EEPD1: variants seen among roughly 807,000 people sequenced by gnomAD.
The protein encoded by EEPD1 is endonuclease/exonuclease/phosphatase family domain containing 1, also known as endonuclease/exonuclease/phosphatase family domain-containing protein 1.
A neutral mutation model predicts 46.3 loss-of-function variants in EEPD1; 17 were observed. That is an observed-to-expected ratio of 0.37 (90% CI 0.25 to 0.55). The LOEUF is 0.55. EEPD1 is among the 20% of genes least tolerant of loss of function. The pLI is 0.83. For missense variants in EEPD1, 673 were observed against 745.6 expected (o/e 0.90, Z 1.13); for synonymous variants, 313 against 315.6 (o/e 0.99, Z 0.09).
At chr7:36,218,610 G>A (rs1786075927) in intron 2 of EEPD1, among the ~76,000 whole-genome samples, 1 of 152,258 alleles carries the variant, frequency 6.6e-6, no homozygotes, top group South Asian at 2.1e-4. Context: ...AGACACAGCG[G>A]TGCAGTGTGA....
intron 2 of EEPD1, among the ~76,000 whole-genome samples, chr7:36,186,084 G>T (rs574749624): frequency 1.3e-5 from 2 of 151,908 alleles, no homozygotes; most frequent in South Asian, 4.2e-4. Context: ...TGGCTTCTTC[G>T]TGGCATTTGT....
At chr7:36,242,930 A>G (rs1447205488) in intron 3 of EEPD1, among the ~76,000 whole-genome samples, 2 of 152,268 alleles carry the variant, frequency 1.3e-5, no homozygotes, top group East Asian at 3.9e-4. Context: ...CTCTGTCTCA[A>G]AAAATAAAGG....
chr7:36,290,563 T>G (rs1205310009), intron 6 of EEPD1, among the ~76,000 whole-genome samples: 1 of 152,148 alleles, frequency 6.6e-6, no homozygotes, highest in Non-Finnish European at 1.5e-5. Flanking sequence ...GTTAGCAAGC[T>G]CCGGGCCTTT....
chr7:36,263,767 A>C (rs1786968952), intron 3 of EEPD1, among the ~76,000 whole-genome samples: 1 of 152,224 alleles, frequency 6.6e-6, no homozygotes, highest in African/African-American at 2.4e-5. Flanking sequence ...CTAGCAGGTA[A>C]GTTCTGTCTT....
intron 2 of EEPD1, among the ~76,000 whole-genome samples, chr7:36,197,690 T>C (rs1042213051): frequency 1.4e-4 from 21 of 152,188 alleles, no homozygotes; most frequent in African/African-American, 4.8e-4. Context: ...CAAGATGTGC[T>C]TTGTTAAACA....
intron 2 of EEPD1, among the ~76,000 whole-genome samples, chr7:36,214,087 G>GA (rs1166960093): frequency 6.6e-6 from 1 of 152,124 alleles, no homozygotes; most frequent in African/African-American, 2.4e-5. Context: ...AGAAAGATGG[G>GA]CTCTGGAAAG....
intron 2 of EEPD1, among the ~76,000 whole-genome samples, chr7:36,202,710 C>T (rs559380818): frequency 3.3e-5 from 5 of 152,240 alleles, no homozygotes; most frequent in African/African-American, 1.2e-4. Context: ...TTATGTTTCT[C>T]GTTGTTTAAT....
rs972600279 is a variant in EEPD1 at position 36,225,300 on chromosome 7, G to A, written c.879-13685G>A. Among the ~76,000 whole-genome samples the A allele has an allele frequency of 2.6e-5, 4 of 151,948 alleles. No individual in the cohort carries two copies. Among genetic ancestry groups the A allele is most frequent in the Non-Finnish European group, 5.9e-5 (4 of 68,028 alleles). Reference sequence around the variant, plus strand: ...TCGAGAAAGATTCTGGAAAATATGAGAAAAGAAGAACAAGAGACAGGGTTA... The same window carrying A: ...TCGAGAAAGATTCTGGAAAATATGAAAAAAGAAGAACAAGAGACAGGGTTA... On this transcript the variant is annotated intron_variant, in intron 2 of 7. Coordinates refer to ENST00000242108, the MANE Select transcript of EEPD1 (RefSeq NM_030636.3). The surrounding 1 kb of genome is among the most constrained non-coding windows in gnomAD (Gnocchi z 4.2).
chr7:36,239,065 C>A, intron 3 of EEPD1, 29 bp downstream of exon 3: 1 of 1,609,084 alleles, frequency 6.2e-7, no homozygotes, highest in South Asian at 1.1e-5. Flanking sequence ...CTTCCACATT[C>A]ACAAACCAAG....
At chr7:36,178,391 A>G (rs150768130) in intron 2 of EEPD1, among the ~76,000 whole-genome samples, 1,764 of 152,346 alleles carry the variant, frequency 0.012, 28 homozygotes, top group African/African-American at 0.041. Flanking sequence ...CCTATGCTTT[A>G]GGTGAGTTCA....
chr7:36,247,647 C>T (rs1190357437), intron 3 of EEPD1, among the ~76,000 whole-genome samples: 1 of 152,152 alleles, frequency 6.6e-6, no homozygotes, highest in Non-Finnish European at 1.5e-5. Flanking sequence ...TGCCCTCTGC[C>T]CCAGGTCCAC....
intron 3 of EEPD1, among the ~76,000 whole-genome samples, chr7:36,249,084 G>T (rs1786690814): frequency 2.7e-5 from 4 of 150,860 alleles, no homozygotes; most frequent in African/African-American, 9.8e-5. Context: ...GGTATATTCA[G>T]GGGCTCTCAC....
intron 2 of EEPD1, among the ~76,000 whole-genome samples, chr7:36,158,500 T>A (rs1045078070): frequency 1.3e-5 from 2 of 152,196 alleles, no homozygotes; most frequent in Non-Finnish European, 2.9e-5. Context: ...AGTTAGAGTC[T>A]TCTCTTTAAC....
intron 3 of EEPD1, among the ~76,000 whole-genome samples, chr7:36,263,183 T>A (rs1786958489): frequency 6.6e-6 from 1 of 152,018 alleles, no homozygotes; most frequent in Non-Finnish European, 1.5e-5. Context: ...TATACAAAAA[T>A]TGGCCGGGTG....
chr7:36,222,003 C>G (rs1253357733), intron 2 of EEPD1, among the ~76,000 whole-genome samples: 15 of 152,192 alleles, frequency 9.9e-5, no homozygotes, highest in African/African-American at 3.4e-4. Flanking sequence ...TTTATCATCA[C>G]TAGACACATT....
At chr7:36,237,134 C>T (rs1786465890) in intron 2 of EEPD1, among the ~76,000 whole-genome samples, 1 of 152,342 alleles carries the variant, frequency 6.6e-6, no homozygotes. Flanking sequence ...GTAACACTCA[C>T]CGCAAACGTC....
chr7:36,206,168 G>A (rs1040919863), intron 2 of EEPD1, among the ~76,000 whole-genome samples: 3 of 151,752 alleles, frequency 2.0e-5, no homozygotes, highest in African/African-American at 7.3e-5. Context: ...CGAGACATAG[G>A]ATTTTATCGT....
intron 3 of EEPD1, among the ~76,000 whole-genome samples, chr7:36,258,923 C>G (rs1365916890): frequency 1.3e-5 from 2 of 150,250 alleles, no homozygotes; most frequent in Non-Finnish European, 3.0e-5. Flanking sequence ...AGCTCAGTGT[C>G]TGCCCAAACG....
Position 36,153,270 on chromosome 7 carries a change from C to G in EEPD1, c.-597C>G, listed in dbSNP as rs867020698. 1 of 152,664 alleles carries G rather than the reference C, an allele frequency of 6.6e-6. No individual in the cohort carries two copies. Among genetic ancestry groups the G allele is most frequent in the East Asian group, 1.9e-4 (1 of 5,160 alleles). 9.5% of individuals were successfully genotyped at this position (152,664 alleles called of 1,614,324 possible). A position where few individuals can be genotyped will look rare whatever the true frequency, so the allele number is the denominator to read the frequency against. ...CGCGGCCGGGACTTTGGCTTTGACACCGACTGCGAGCGGGAGCCGTGCGGC... is the reference window on the plus strand; with the variant it reads ...CGCGGCCGGGACTTTGGCTTTGACAGCGACTGCGAGCGGGAGCCGTGCGGC... On this transcript the variant is annotated 5_prime_UTR_variant, in exon 1 of 8. Transcript: ENST00000242108.
Sources: allele counts gnomAD v4.1 joint callset (sites outside exome capture counted in the v4.1 genomes callset), GRCh38; gene constraint gnomAD v4.1.1; non-coding constraint Gnocchi (gnomAD v3.1); transcripts MANE v1.5; gene names NCBI Gene and HGNC (gene_info 2026-07-23, HGNC 2026-07-21).